TMPRSS4: variants seen among roughly 807,000 people sequenced by gnomAD.
TMPRSS4 encodes transmembrane protease serine 4.
TMPRSS4 carries 45 observed loss-of-function variants against 56.4 expected under a neutral mutation model. The observed-to-expected ratio is 0.80, with a 90% confidence interval of 0.63 to 1.02. TMPRSS4 has a LOEUF of 1.02. TMPRSS4 is among the 50% of genes least tolerant of loss of function. The pLI is 0.00. For missense variants in TMPRSS4, 546 were observed against 556.7 expected, an observed-to-expected ratio of 0.98 and a Z score of 0.19; for synonymous variants, 205 against 211.0, an observed-to-expected ratio of 0.97 and a Z score of 0.25.
intron 2 of TMPRSS4, among the ~76,000 whole-genome samples, chr11:118,097,503 T>A (rs1478708300): frequency 2.0e-5 from 3 of 151,954 alleles, no homozygotes; most frequent in African/African-American, 4.8e-5. Flanking sequence ...TCTTGCCCCA[T>A]CTCCCCCAGG....
intron 1 of TMPRSS4, among the ~76,000 whole-genome samples, chr11:118,094,166 G>A (rs1341494778): frequency 6.6e-6 from 1 of 152,136 alleles, no homozygotes; most frequent in Non-Finnish European, 1.5e-5. Flanking sequence ...CACAATTGCT[G>A]GGTCAGAGAA....
rs775970035 is a variant in TMPRSS4 at position 118,108,911 on chromosome 11, T to A, written c.583+15T>A. ...GCACTGTCTTGGTGAGTACCCCCAA[T>A]CTCTGAGGGTTTGGGGCCTGGGCCA... On this transcript the variant is annotated intron_variant, in intron 7 of 12. Coordinates refer to ENST00000437212, the MANE Select transcript of TMPRSS4 (RefSeq NM_019894.4). The A allele has an allele frequency of 5.6e-6, 9 of 1,613,346 alleles. No individual in the cohort carries two copies. The East Asian group carries it at 2.0e-4, about 36-fold the overall frequency.
At chr11:118,088,283 G>A (rs997707688) in intron 1 of TMPRSS4, 1 of 152,184 alleles carries the variant, frequency 6.6e-6, no homozygotes, top group African/African-American at 2.4e-5. Context: ...TTGTTCCATG[G>A]ATTATATAGG....
chr11:118,124,643 A>G (rs554141963), downstream of TMPRSS4, among the ~76,000 whole-genome samples: 1 of 152,238 alleles, frequency 6.6e-6, no homozygotes, highest in Non-Finnish European at 1.5e-5. Flanking sequence ...ATGAAGTGGA[A>G]GATTAAGCAC....
At chr11:118,088,247 T>A (rs909110802) in intron 1 of TMPRSS4, 2 of 152,256 alleles carry the variant, frequency 1.3e-5, no homozygotes, top group Non-Finnish European at 2.9e-5. Context: ...CTGCCTTTTC[T>A]GTAAAATGGG....
chr11:118,112,190 A>ACCTGCCTCAACTT (rs1429352373), intron 8 of TMPRSS4, among the ~76,000 whole-genome samples: 1 of 151,578 alleles, frequency 6.6e-6, no homozygotes, highest in Non-Finnish European at 1.5e-5. Context: ...AGCTCTTCCC[A>ACCTGCCTCAACTT]CCTGCCTCAA....
At chr11:118,086,166 G>T (rs1302421099) in intron 1 of TMPRSS4, among the ~76,000 whole-genome samples, 1 of 152,206 alleles carries the variant, frequency 6.6e-6, no homozygotes, top group Admixed American at 6.5e-5. Flanking sequence ...TGTGAAATAG[G>T]AATAGTTACA....
Position 118,118,554 on chromosome 11 carries a change from T to A in TMPRSS4, c.*641T>A, listed in dbSNP as rs751174314. On this transcript the variant is annotated 3_prime_UTR_variant, in exon 13 of 13. Transcript: ENST00000437212. The stretch of plus-strand genomic sequence containing the variant: ...AAGAAGTCCTGGGGAAGCAATTGAG[T>A]CTCAAAGTAGAGGCAGGGGAAAAAA... 4.3e-5 allele frequency: 42 copies of A among 985,250 alleles called. No homozygotes were observed. Among genetic ancestry groups the A allele is most frequent in the Admixed American group, 3.7e-4 (6 of 16,254 alleles). 61.0% of individuals were successfully genotyped at this position (985,250 alleles called of 1,614,324 possible).
In TMPRSS4 at chr11:118,096,132, A is replaced by C. The variant is rs3782037; in HGVS notation, c.43+1277A>C. ...TGCATGAATTCATGAACAAAATGTC[A>C]TCATGGCCATGGCCACAGGAAAGAG... On this transcript the variant is annotated intron_variant, in intron 2 of 12. Transcript: ENST00000437212. 8.5e-3 allele frequency among the ~76,000 whole-genome samples: 1,302 copies of C among 152,324 alleles called. 44 individuals carry two copies. In the East Asian group the frequency reaches 0.12, roughly 14 times the overall value.
In TMPRSS4 at chr11:118,096,909, AAGGGAG is replaced by A. The variant is rs1342879073; in HGVS notation, c.43+2057_43+2062del. On this transcript the variant is annotated intron_variant, in intron 2 of 12. Coordinates refer to ENST00000437212, the MANE Select transcript of TMPRSS4 (RefSeq NM_019894.4). Reference sequence around the variant, plus strand: ...AAAGAAAGAAAGAAAGAAAGAAAGAAAGGGAGAGAGAAAGGAAAGAAAGAAAGAGAA... The same window carrying A: ...AAAGAAAGAAAGAAAGAAAGAAAGAAAGAGAAAGGAAAGAAAGAAAGAGAA... 7.3e-3 allele frequency among the ~76,000 whole-genome samples: 117 copies of A among 16,098 alleles called. 17 individuals are homozygous for A. The highest frequency in any genetic ancestry group is 0.026 in the African/African-American group (114 of 4,368). 10.6% of individuals were successfully genotyped at this position (16,098 alleles called of 152,430 possible). A position where few individuals can be genotyped will look rare whatever the true frequency, so the allele number is the denominator to read the frequency against.
chr11:118,108,115 C>G (rs1158791458), intron 6 of TMPRSS4: 7 of 452,308 alleles, frequency 1.5e-5, no homozygotes, highest in Non-Finnish European at 2.4e-5. Flanking sequence ...TTGTCCTACT[C>G]AGAGCCAGAG....
chr11:118,088,727 G>T (rs919157901), intron 1 of TMPRSS4, among the ~76,000 whole-genome samples: 1 of 152,240 alleles, frequency 6.6e-6, no homozygotes, highest in African/African-American at 2.4e-5. Context: ...TCTGGGCTGG[G>T]CCGGGGCTGT....
intron 6 of TMPRSS4, 58 bp from the exon 7 acceptor site, chr11:118,108,798 C>T: frequency 1.9e-6 from 3 of 1,586,560 alleles, no homozygotes; most frequent in Non-Finnish European, 2.6e-6. Flanking sequence ...AGGCCTGAGT[C>T]CCTGCCTCCC....
At chr11:118,111,604 T>A in intron 7 of TMPRSS4, 137 bp from the exon 8 acceptor site, 1 of 597,300 alleles carries the variant, frequency 1.7e-6, no homozygotes, top group South Asian at 2.6e-5. Flanking sequence ...GAATATCTCA[T>A]ATTGGGCTGG....
rs779329685 is a variant in TMPRSS4 at position 118,103,234 on chromosome 11, C to G, written c.291C>G (p.Pro97=). 2 of 1,613,852 alleles carry G rather than the reference C, an allele frequency of 1.2e-6. No homozygotes were observed. Among genetic ancestry groups the G allele is most frequent in the Non-Finnish European group, 1.7e-6 (2 of 1,179,944 alleles). ...AGGAGCACTGTGTCAAGAGCTTCCCCGAAGGGCCTGCAGTGGCAGGTGAGT... is the reference window on the plus strand; with the variant it reads ...AGGAGCACTGTGTCAAGAGCTTCCCGGAAGGGCCTGCAGTGGCAGGTGAGT... The part of the protein sequence containing the change: ...EDEEHCVKSF[P]EGPAVAVRLS... The change falls in exon 4 of 13, where the codon CCC becomes CCG. Residue 97 remains proline (P), a synonymous_variant. Coordinates refer to ENST00000437212, the MANE Select transcript of TMPRSS4 (RefSeq NM_019894.4).
chr11:118,112,379 C>CTTTTTTTTTTT lies in TMPRSS4; in HGVS notation c.743+500_743+510dup, dbSNP rs71469160. Reference sequence around the variant, plus strand: ...AAGGGCTACTCCCAGACCCCCTTCACTTTTTTTTTTTTTTTTTTTTTTTTT... The same window carrying CTTTTTTTTTTT: ...AAGGGCTACTCCCAGACCCCCTTCACTTTTTTTTTTTTTTTTTTTTTTTTTTTTTTTTTTTT... On this transcript the variant is annotated intron_variant, in intron 8 of 12. Transcript: ENST00000437212. 1.3e-4 allele frequency among the ~76,000 whole-genome samples: 6 copies of CTTTTTTTTTTT among 45,724 alleles called. 1 individual carries two copies. Among genetic ancestry groups the CTTTTTTTTTTT allele is most frequent in the East Asian group, 7.2e-4 (1 of 1,390 alleles). The allele number at this position is 45,724 out of a possible 152,430, so 30.0% of individuals were successfully genotyped here. A position where few individuals can be genotyped will look rare whatever the true frequency, so the allele number is the denominator to read the frequency against.
chr11:118,095,870 G>A lies in TMPRSS4; in HGVS notation c.43+1015G>A, dbSNP rs113636850. Among the ~76,000 whole-genome samples, 254 of 152,276 alleles carry A rather than the reference G, an allele frequency of 1.7e-3. 1 individual carries two copies. Among genetic ancestry groups the A allele is most frequent in the African/African-American group, 5.9e-3 (245 of 41,540 alleles). ...TTAGGAAGCTCTGTCTAGCTGCAGT[G>A]GGCAGGACAGGCTGGAGGGAGGAAC... On this transcript the variant is annotated intron_variant, in intron 2 of 12. Transcript: ENST00000437212.
intron 1 of TMPRSS4, among the ~76,000 whole-genome samples, chr11:118,092,487 G>T (rs1262851332): frequency 6.6e-6 from 1 of 152,256 alleles, no homozygotes; most frequent in Non-Finnish European, 1.5e-5. Flanking sequence ...ATCAGATGAG[G>T]CAGTTTATTG....
chr11:118,104,894 TTC>T (rs1169594804), intron 5 of TMPRSS4, 74 bp downstream of exon 5: 5 of 1,440,582 alleles, frequency 3.5e-6, no homozygotes, highest in Admixed American at 5.4e-5. Context: ...TCCTCCCTTC[TTC>T]TCTCTTTCCT....
Sources: allele counts gnomAD v4.1 joint callset (sites outside exome capture counted in the v4.1 genomes callset), GRCh38; gene constraint gnomAD v4.1.1; transcripts MANE v1.5; gene names NCBI Gene and HGNC (gene_info 2026-07-23, HGNC 2026-07-21).